The following ATG10 variants were observed in gnomAD, a reference collection of about 807,000 sequenced individuals.
The protein encoded by ATG10 is ubiquitin-like-conjugating enzyme ATG10.
Under a neutral mutation model 32.1 loss-of-function variants are expected in ATG10, and 30 were observed. The ratio of observed to expected loss-of-function variants is 0.94; its 90% CI spans 0.70 to 1.27. The LOEUF (loss-of-function observed/expected upper bound fraction) is 1.27. ATG10 is among the 50% of genes most tolerant of loss of function. The pLI is 0.00. For synonymous variants in ATG10, 87 were observed against 91.5 expected (o/e 0.95, Z 0.28); for missense variants, 233 against 262.3 (o/e 0.89, Z 0.77).
intron 3 of ATG10, among the ~76,000 whole-genome samples, chr5:82,086,334 T>A (rs1387516818): frequency 6.6e-6 from 1 of 152,150 alleles, no homozygotes; most frequent in East Asian, 1.9e-4. Context: ...AATAATGGAA[T>A]AAAATTTAAA....
At position 82,135,667 on chromosome 5, in the gene ATG10, A is replaced by G. The variant is rs544674719; in HGVS notation, c.217-28732A>G. Among the ~76,000 whole-genome samples the G allele has an allele frequency of 8.5e-5, 13 of 152,278 alleles. No homozygotes were observed. The South Asian group carries it at 1.0e-3, about 12-fold the overall frequency. ...TGTGGTCGATTTTAGGATAAGTGCT[A>G]TGTGGTGCTGAGAAGAATGTATATG... On this transcript the variant is annotated intron_variant, in intron 3 of 7. Transcript: ENST00000282185.
intron 5 of ATG10, among the ~76,000 whole-genome samples, chr5:82,239,078 T>G (rs1465287249): frequency 2.0e-5 from 3 of 152,216 alleles, no homozygotes; most frequent in African/African-American, 7.2e-5. Context: ...CTCTCCTTCG[T>G]TCTTAGATAC....
chr5:82,053,403 TATG>T (rs1398377764), intron 2 of ATG10, among the ~76,000 whole-genome samples: 5 of 152,164 alleles, frequency 3.3e-5, no homozygotes, highest in Non-Finnish European at 5.9e-5. Context: ...AGTTCTTTTC[TATG>T]ATATGAGCTA....
intron 5 of ATG10, among the ~76,000 whole-genome samples, chr5:82,250,641 C>T (rs1747218823): frequency 6.6e-6 from 1 of 152,124 alleles, no homozygotes; most frequent in Non-Finnish European, 1.5e-5. Context: ...ATCATGTTAC[C>T]CTGTTGTGTT....
intron 2 of ATG10, among the ~76,000 whole-genome samples, chr5:82,049,477 C>G (rs1763336141): frequency 6.6e-6 from 1 of 151,610 alleles, no homozygotes; most frequent in Admixed American, 6.6e-5. Context: ...GTGCAGCGCA[C>G]CAGCATGGCA....
At chr5:82,205,635 A>G (rs915024868) in intron 5 of ATG10, among the ~76,000 whole-genome samples, 1 of 152,230 alleles carries the variant, frequency 6.6e-6, no homozygotes, top group Non-Finnish European at 1.5e-5. Context: ...GTGAAATTGG[A>G]CATGTGAAAT....
intron 2 of ATG10, among the ~76,000 whole-genome samples, chr5:82,046,749 C>T (rs893894674): frequency 2.0e-5 from 3 of 152,190 alleles, no homozygotes; most frequent in Admixed American, 1.3e-4. Context: ...AAGGATAGTG[C>T]TTTGAAATCA....
intron 3 of ATG10, among the ~76,000 whole-genome samples, chr5:82,087,314 T>A (rs182244528): frequency 1.2e-3 from 190 of 152,272 alleles, no homozygotes; most frequent in African/African-American, 4.4e-3. Flanking sequence ...CTTGAGTATA[T>A]TGAGTAGAAG....
intron 5 of ATG10, among the ~76,000 whole-genome samples, chr5:82,210,724 CT>C (rs1745460854): frequency 1.3e-5 from 2 of 152,018 alleles, no homozygotes; most frequent in Non-Finnish European, 2.9e-5. Flanking sequence ...GGGCAGGGAA[CT>C]TTGGAGTCTG....
intron 1 of ATG10, among the ~76,000 whole-genome samples, chr5:81,976,939 A>G (rs1760890601): frequency 6.6e-6 from 1 of 152,144 alleles, no homozygotes; most frequent in South Asian, 2.1e-4. Context: ...GCAGTAGTGC[A>G]GTTATGGCTC....
intron 5 of ATG10, among the ~76,000 whole-genome samples, chr5:82,240,037 G>A (rs1264650388): frequency 1.3e-5 from 2 of 152,176 alleles, no homozygotes; most frequent in Non-Finnish European, 2.9e-5. Flanking sequence ...TGGCAAGGAT[G>A]TAGAGAAAGG....
chr5:82,023,659 C>T (rs1762511617), intron 2 of ATG10, among the ~76,000 whole-genome samples: 1 of 152,216 alleles, frequency 6.6e-6, no homozygotes, highest in Admixed American at 6.5e-5. Context: ...TATGCTTTCA[C>T]TGTTTGTTTT....
At chr5:82,153,161 T>C (rs553910779) in intron 3 of ATG10, among the ~76,000 whole-genome samples, 108 of 152,306 alleles carry the variant, frequency 7.1e-4, no homozygotes, top group African/African-American at 2.5e-3. Flanking sequence ...ATGCAATGTT[T>C]TTTTCTCCCA....
At chr5:82,005,365 G>T (rs558515646) in intron 2 of ATG10, among the ~76,000 whole-genome samples, 134 of 152,218 alleles carry the variant, frequency 8.8e-4, no homozygotes, top group Middle Eastern at 3.4e-3. Context: ...CACTGTGTCG[G>T]CTCACTGCAA....
rs1389563262 is a variant in ATG10, at chr5:82,128,806, C to A, written c.217-35593C>A. Among the ~76,000 whole-genome samples, 4 of 150,836 alleles carry A rather than the reference C, an allele frequency of 2.7e-5. No homozygotes were observed. In the South Asian group the frequency reaches 8.4e-4, roughly 32 times the overall value. ...GCCCTTAACATTTTTTCCTTCATTTCAATCTTGGTAAATCTGATGATTATG... is the reference window on the plus strand; with the variant it reads ...GCCCTTAACATTTTTTCCTTCATTTAAATCTTGGTAAATCTGATGATTATG... On this transcript the variant is annotated intron_variant, in intron 3 of 7. Coordinates refer to ENST00000282185, the MANE Select transcript of ATG10 (RefSeq NM_031482.5).
intron 3 of ATG10, among the ~76,000 whole-genome samples, chr5:82,097,099 G>C (rs1245881423): frequency 6.6e-6 from 1 of 151,918 alleles, no homozygotes; most frequent in East Asian, 1.9e-4. Flanking sequence ...TTTGTTATAT[G>C]TTTTGTAGAA....
At chr5:81,995,441 C>A (rs920004858) in intron 2 of ATG10, among the ~76,000 whole-genome samples, 1 of 152,106 alleles carries the variant, frequency 6.6e-6, no homozygotes, top group Non-Finnish European at 1.5e-5. Flanking sequence ...CCATGCCCAG[C>A]CTGAGTTTTT....
intron 2 of ATG10, among the ~76,000 whole-genome samples, chr5:82,016,281 A>G (rs1335047643): frequency 6.6e-6 from 1 of 152,144 alleles, no homozygotes; most frequent in African/African-American, 2.4e-5. Flanking sequence ...GCGAGGATCC[A>G]CTTTGATTCT....
At chr5:82,061,710 ATATAG>A (rs1414872617) in intron 3 of ATG10, among the ~76,000 whole-genome samples, 11 of 147,916 alleles carry the variant, frequency 7.4e-5, no homozygotes, top group South Asian at 2.1e-4. Flanking sequence ...AATATATGTA[ATATAG>A]TATATTATAA....
Sources: gnomAD v4.1 joint callset for allele counts (sites outside exome capture counted in the v4.1 genomes callset) on GRCh38, gnomAD v4.1.1 for gene constraint, MANE v1.5 for transcripts, NCBI Gene and HGNC (gene_info 2026-07-23, HGNC 2026-07-21) for gene names.